DCTN5: variants seen among roughly 807,000 people sequenced by gnomAD.
DCTN5 encodes dynactin subunit 5.
Under a neutral mutation model 23.5 loss-of-function variants are expected in DCTN5, and 14 were observed. The observed-to-expected ratio is 0.60, with a 90% confidence interval of 0.39 to 0.93. The LOEUF (loss-of-function observed/expected upper bound fraction) is 0.93, where lower values mean the gene tolerates loss of function less well. DCTN5 is among the 40% of genes least tolerant of loss of function. DCTN5 has a pLI of 0.00. For missense variants in DCTN5, 156 were observed against 225.9 expected (o/e 0.69, Z 1.98); for synonymous variants, 67 against 79.6 (o/e 0.84, Z 0.84).
In DCTN5 at chr16:23,669,469, C is replaced by T. The variant is rs144688717; in HGVS notation, c.*2325C>T. The T allele has an allele frequency of 7.9e-5, 12 of 152,420 alleles. No individual in the cohort carries two copies. The East Asian group carries it at 2.3e-3, about 29-fold the overall frequency. 9.4% of individuals were successfully genotyped at this position (152,420 alleles called of 1,614,324 possible). A position where few individuals can be genotyped will look rare whatever the true frequency, so the allele number is the denominator to read the frequency against. On this transcript the variant is annotated 3_prime_UTR_variant, in exon 6 of 6. Coordinates refer to ENST00000300087, the MANE Select transcript of DCTN5 (RefSeq NM_032486.4). ...ACTGCTGGATTTGGTTCTCATTGGT[C>T]CAGACGAGGAAGGTATCCAGCCTCA...
intron 5 of DCTN5, chr16:23,666,728 TTGAATC>T: frequency 2.1e-6 from 1 of 471,238 alleles, no homozygotes; most frequent in East Asian, 3.4e-5. Flanking sequence ...TCTCAGATCA[TTGAATC>T]TGAGTTTCTA....
At chr16:23,655,159 TA>T (rs1189082339) in intron 2 of DCTN5, among the ~76,000 whole-genome samples, 3 of 152,212 alleles carry the variant, frequency 2.0e-5, no homozygotes, top group African/African-American at 4.8e-5. Context: ...AGCAGATTAT[TA>T]TTTTTTCCTT....
rs985590962 is a variant in DCTN5, at chr16:23,651,242, A to G, written c.118-7265A>G. The G allele has an allele frequency of 3.7e-5, 37 of 993,766 alleles. No homozygotes were observed. In the African/African-American group the frequency reaches 6.4e-4, roughly 17 times the overall value. The allele number at this position is 993,766 out of a possible 1,614,324, so 61.6% of individuals were successfully genotyped here. On this transcript the variant is annotated intron_variant, in intron 2 of 5. Transcript: ENST00000300087. ...TGAACTCTTTGCTTTGCTTCTGTGA[A>G]GGGCAGCCACCTCCTTTCATTTGCT...
intron 1 of DCTN5, among the ~76,000 whole-genome samples, chr16:23,642,369 G>C (rs1013213139): frequency 2.6e-5 from 4 of 152,174 alleles, no homozygotes; most frequent in African/African-American, 7.2e-5. Flanking sequence ...CATTATCCTC[G>C]TTTTAAGGCC....
intron 2 of DCTN5, chr16:23,657,627 A>G (rs1240798718): frequency 7.4e-6 from 2 of 270,164 alleles, no homozygotes. Flanking sequence ...TATTTTTAGT[A>G]GAGATGGGGT....
chr16:23,675,164 C>A lies in DCTN5; in HGVS notation c.*8020C>A, dbSNP rs908530687. On this transcript the variant is annotated 3_prime_UTR_variant, in exon 6 of 6. Coordinates refer to ENST00000300087, the MANE Select transcript of DCTN5 (RefSeq NM_032486.4). ...TCTGAATGTCTTTCTGGTTAAGTTG[C>A]ATAAAAACGTTTATCTACTTGAACT... The A allele has an allele frequency of 6.6e-6, 1 of 151,900 alleles. No individual in the cohort carries two copies. The highest frequency in any genetic ancestry group is 1.5e-5 in the Non-Finnish European group (1 of 67,984). The allele number at this position is 151,900 out of a possible 1,614,324, so 9.4% of individuals were successfully genotyped here.
intron 1 of DCTN5, 85 bp downstream of exon 1, chr16:23,641,675 C>A: frequency 7.2e-7 from 1 of 1,381,240 alleles, no homozygotes. Context: ...TGCCCCTACC[C>A]CACCAACCCC....
At chr16:23,657,114 A>G (rs991606243) in intron 2 of DCTN5, among the ~76,000 whole-genome samples, 2 of 152,100 alleles carry the variant, frequency 1.3e-5, no homozygotes, top group Admixed American at 1.3e-4. Context: ...GTGCTTCCAG[A>G]GTAGTAGTAA....
chr16:23,666,946 A>T (rs1218271672), intron 5 of DCTN5, 101 bp from the exon 6 acceptor site: 7 of 1,537,356 alleles, frequency 4.6e-6, no homozygotes, highest in Middle Eastern at 2.1e-4. Context: ...AGTGATTGTC[A>T]GACATGCATC....
intron 2 of DCTN5, among the ~76,000 whole-genome samples, chr16:23,648,003 C>G (rs1457956445): frequency 2.6e-5 from 4 of 152,092 alleles, no homozygotes; most frequent in African/African-American, 7.2e-5. Flanking sequence ...TTGCCACCCT[C>G]CAAGAGAAAA....
intron 1 of DCTN5, 23 bp from the exon 2 acceptor site, chr16:23,642,932 G>T (rs772080456): frequency 6.2e-7 from 1 of 1,611,452 alleles, no homozygotes; most frequent in African/African-American, 1.3e-5. Context: ...TGCTTTCCCC[G>T]GTTTTCCGTT....
chr16:23,643,423 C>G (rs1967353426), intron 2 of DCTN5, among the ~76,000 whole-genome samples: 1 of 151,968 alleles, frequency 6.6e-6, no homozygotes, highest in Non-Finnish European at 1.5e-5. Context: ...GAACTCCTGC[C>G]CTCAAGTGAT....
chr16:23,661,134 T>G (rs2140984859), intron 3 of DCTN5, 36 bp from the exon 4 acceptor site: 1 of 1,476,768 alleles, frequency 6.8e-7, no homozygotes, highest in East Asian at 2.3e-5. Flanking sequence ...TACATCATCT[T>G]GACCTTTCTG....
chr16:23,643,042 T>C lies in DCTN5; in HGVS notation c.117+19T>C, dbSNP rs754588165. On this transcript the variant is annotated intron_variant, in intron 2 of 5. Transcript: ENST00000300087. The stretch of plus-strand genomic sequence containing the variant: ...TGGCAAGGTAAGGGACAAAGCCAGC[T>C]CCAGGCTGCAAACCTTAGCTTGCGT... 6.2e-7 allele frequency: 1 copy of C among 1,611,712 alleles called. No individual in the cohort carries two copies. The highest frequency in any genetic ancestry group is 8.5e-7 in the Non-Finnish European group (1 of 1,177,774).
chr16:23,665,937 A>G (rs929902544), intron 5 of DCTN5: 8 of 562,226 alleles, frequency 1.4e-5, no homozygotes, highest in East Asian at 9.3e-5. Flanking sequence ...GAAAATAAGG[A>G]AATTATGAAG....
rs904841102 is a variant in DCTN5, at chr16:23,673,740, G to A, written c.*6596G>A. On this transcript the variant is annotated 3_prime_UTR_variant, in exon 6 of 6. Transcript: ENST00000300087. ...GGATAGGTTGGAATTTAAATTCTTCGGATATTGGAACCAGAACAGGCTGTA... is the reference window on the plus strand; with the variant it reads ...GGATAGGTTGGAATTTAAATTCTTCAGATATTGGAACCAGAACAGGCTGTA... 6 of 152,146 alleles carry A rather than the reference G, an allele frequency of 3.9e-5. No homozygotes were observed. The highest frequency in any genetic ancestry group is 1.3e-4 in the Admixed American group (2 of 15,278). The allele number at this position is 152,146 out of a possible 1,614,324, so 9.4% of individuals were successfully genotyped here. A position where few individuals can be genotyped will look rare whatever the true frequency, so the allele number is the denominator to read the frequency against.
At position 23,667,120 on chromosome 16, in the gene DCTN5, G is replaced by A; in HGVS notation, c.525G>A (p.Lys175=). 1 of 1,612,886 alleles carries A rather than the reference G, an allele frequency of 6.2e-7. No homozygotes were observed. Among genetic ancestry groups the A allele is most frequent in the African/African-American group, 1.3e-5 (1 of 74,992 alleles). The change falls in exon 6 of 6, where the codon AAG becomes AAA. Residue 175 remains lysine (K), a synonymous_variant. Transcript: ENST00000300087. ...ACGTCACCAAGAGCTACTACCAGAAGTTTTTGCCCCTGACGCAAGTCTAGC... is the reference window on the plus strand; with the variant it reads ...ACGTCACCAAGAGCTACTACCAGAAATTTTTGCCCCTGACGCAAGTCTAGC... ...MIDVTKSYYQ[K]FLPLTQV
chr16:23,657,733 C>T (rs1167099047), intron 2 of DCTN5: 1 of 184,226 alleles, frequency 5.4e-6, no homozygotes, highest in Admixed American at 5.9e-5. Flanking sequence ...TAAGCTACCG[C>T]ACCTGGCCAG....
In DCTN5 at chr16:23,670,537, C is replaced by T. The variant is rs1967986886; in HGVS notation, c.*3393C>T. 6.6e-6 allele frequency: 1 copy of T among 152,106 alleles called. No homozygotes were observed. Among genetic ancestry groups the T allele is most frequent in the African/African-American group, 2.4e-5 (1 of 41,400 alleles). The allele number at this position is 152,106 out of a possible 1,614,324, so 9.4% of individuals were successfully genotyped here. On this transcript the variant is annotated 3_prime_UTR_variant, in exon 6 of 6. Coordinates refer to ENST00000300087, the MANE Select transcript of DCTN5 (RefSeq NM_032486.4). ...AGGGTGCTGCCCAGCCATATTCTGG[C>T]TAGCCTCAGCGGTTCTCCTGAAAAA... is the stretch of plus-strand genomic sequence containing the variant.
Sources: allele counts gnomAD v4.1 joint callset (sites outside exome capture counted in the v4.1 genomes callset), GRCh38; gene constraint gnomAD v4.1.1; transcripts MANE v1.5; gene names NCBI Gene and HGNC (gene_info 2026-07-23, HGNC 2026-07-21).